The following PACS1 variants were observed in gnomAD, a reference collection of about 807,000 sequenced individuals.
The protein encoded by PACS1 is phosphofurin acidic cluster sorting protein 1, also known as PACS-1.
A neutral mutation model predicts 115.0 loss-of-function variants in PACS1; 24 were observed. The observed-to-expected ratio is 0.21, with a 90% CI of 0.15 to 0.29. The LOEUF (loss-of-function observed/expected upper bound fraction) is 0.29. PACS1 is among the 10% of genes least tolerant of loss of function. The pLI is 1.00. For synonymous variants in PACS1, 453 were observed against 504.5 expected (o/e 0.90, Z 1.37); for missense variants, 838 against 1,251.2 (o/e 0.67, Z 4.98).
At chr11:66,220,241 G>A (rs1192981418) in intron 8 of PACS1, 6 of 284,440 alleles carry the variant, frequency 2.1e-5, no homozygotes, top group African/African-American at 6.5e-5. Flanking sequence ...CCTGGGCTCC[G>A]GGAGGGGCCC....
At chr11:66,110,689 C>T (rs944803729) in intron 1 of PACS1, among the ~76,000 whole-genome samples, 1 of 152,180 alleles carries the variant, frequency 6.6e-6, no homozygotes, top group Non-Finnish European at 1.5e-5. Flanking sequence ...GATCCTCCCA[C>T]CTCCTGAGTA....
At chr11:66,085,322 G>A (rs1376179183) in intron 1 of PACS1, among the ~76,000 whole-genome samples, 1 of 152,136 alleles carries the variant, frequency 6.6e-6, no homozygotes, top group East Asian at 1.9e-4. Flanking sequence ...CTTGAAGGTG[G>A]AGCTATTTTT....
At chr11:66,107,898 T>C (rs1279775176) in intron 1 of PACS1, among the ~76,000 whole-genome samples, 4 of 152,160 alleles carry the variant, frequency 2.6e-5, no homozygotes, top group Admixed American at 6.5e-5. Context: ...GCAGGCCCCA[T>C]CCTAATCTAC....
intron 1 of PACS1, among the ~76,000 whole-genome samples, chr11:66,166,739 C>G (rs1244589645): frequency 6.7e-6 from 1 of 150,360 alleles, no homozygotes; most frequent in Non-Finnish European, 1.5e-5. Context: ...ACAGTGTACA[C>G]TTGGGTTCTG....
intron 10 of PACS1, chr11:66,221,461 C>T: frequency 1.8e-6 from 1 of 557,586 alleles, no homozygotes; most frequent in Non-Finnish European, 3.2e-6. Context: ...TTCTGGCCAA[C>T]ATGGTGACAC....
chr11:66,219,625 T>C (rs1855294788), intron 7 of PACS1, 121 bp from the exon 8 acceptor site: 2 of 802,740 alleles, frequency 2.5e-6, no homozygotes, highest in Admixed American at 3.6e-5. Flanking sequence ...AGAGACCAAG[T>C]CCTCCAGTCT....
intron 4 of PACS1, among the ~76,000 whole-genome samples, chr11:66,215,134 A>G (rs772954142): frequency 2.6e-5 from 4 of 151,390 alleles, no homozygotes; most frequent in African/African-American, 4.9e-5. Context: ...GGGTTTCACT[A>G]TGTTAGCCAG....
chr11:66,209,729 CCT>C (rs1855026681), intron 2 of PACS1, among the ~76,000 whole-genome samples: 1 of 151,968 alleles, frequency 6.6e-6, no homozygotes, highest in Admixed American at 6.6e-5. Context: ...ATGGTGAAAC[CCT>C]GTCTCTACTA....
intron 1 of PACS1, among the ~76,000 whole-genome samples, chr11:66,094,075 A>G (rs1857723617): frequency 1.3e-5 from 2 of 151,144 alleles, no homozygotes; most frequent in East Asian, 3.9e-4. Context: ...ATAGCACTAA[A>G]TGCCCACAAG....
chr11:66,125,316 A>G (rs1249306576), intron 1 of PACS1, among the ~76,000 whole-genome samples: 4 of 152,182 alleles, frequency 2.6e-5, no homozygotes, highest in Admixed American at 2.6e-4. Flanking sequence ...GTACCACATC[A>G]ATTAATGCGT....
chr11:66,204,653 A>G (rs1209634933), intron 2 of PACS1, among the ~76,000 whole-genome samples: 1 of 152,208 alleles, frequency 6.6e-6, no homozygotes, highest in Admixed American at 6.5e-5. Flanking sequence ...ATTTGCAATA[A>G]CATGGATGGA....
chr11:66,238,819 C>A lies in PACS1; in HGVS notation c.2266C>A (p.Leu756Met). The change falls in exon 20 of 24, where the codon CTG becomes ATG. Residue 756 changes from leucine (L) to methionine (M), a missense_variant. Physicochemically the swap from Leu to Met is conservative, Grantham distance 15. Coordinates refer to ENST00000320580, the MANE Select transcript of PACS1 (RefSeq NM_018026.4). The stretch of plus-strand genomic sequence containing the variant: ...CTCCTTGCAGGTGGTGAAGGTGGGT[C>A]TGGTTGAAGACTCTCCCTCCACAGC... ...IPFIGVVKVG[L>M]VEDSPSTAGD... is the part of the protein sequence containing the mutation. 6.3e-7 allele frequency: 1 copy of A among 1,588,248 alleles called. No individual in the cohort carries two copies. The highest frequency in any genetic ancestry group is 1.1e-5 in the South Asian group (1 of 87,276).
chr11:66,239,296 C>T lies in PACS1; in HGVS notation c.2429+19C>T, dbSNP rs770327141. On this transcript the variant is annotated intron_variant, in intron 21 of 23. Transcript: ENST00000320580. ...TCGTGGGGTAAGGCTCCTGCCCGTA[C>T]CTGTCCTGCCATGCCCTCCATCAGG... 6 of 1,601,952 alleles carry T rather than the reference C, an allele frequency of 3.7e-6. No homozygotes were observed. The highest frequency in any genetic ancestry group is 1.7e-5 in the Admixed American group (1 of 58,872).
chr11:66,204,705 A>C (rs924817216), intron 2 of PACS1, among the ~76,000 whole-genome samples: 2 of 152,190 alleles, frequency 1.3e-5, no homozygotes, highest in Non-Finnish European at 2.9e-5. Flanking sequence ...CAGGTACAGA[A>C]AGACATACTT....
intron 1 of PACS1, among the ~76,000 whole-genome samples, chr11:66,118,072 T>C (rs1403490933): frequency 6.6e-6 from 1 of 152,246 alleles, no homozygotes; most frequent in African/African-American, 2.4e-5. Flanking sequence ...TGGGGGTCAT[T>C]TTAAACGTAT....
chr11:66,097,193 G>A (rs1857805385), intron 1 of PACS1, among the ~76,000 whole-genome samples: 1 of 152,172 alleles, frequency 6.6e-6, no homozygotes, highest in Non-Finnish European at 1.5e-5. Flanking sequence ...TGGCCTAGTA[G>A]TCCTGTGCCC....
chr11:66,208,344 T>C (rs1004132133), intron 2 of PACS1, among the ~76,000 whole-genome samples: 51 of 151,764 alleles, frequency 3.4e-4, no homozygotes, highest in African/African-American at 1.2e-3. Flanking sequence ...CAGGGATGAG[T>C]GTGGGGCTCA....
chr11:66,195,556 T>C (rs896862253), intron 2 of PACS1, among the ~76,000 whole-genome samples: 3 of 152,238 alleles, frequency 2.0e-5, no homozygotes, highest in Admixed American at 2.0e-4. Context: ...TAAATGCTTT[T>C]GCCAAAGAAA....
intron 1 of PACS1, among the ~76,000 whole-genome samples, chr11:66,103,896 C>G (rs1259271349): frequency 2.0e-5 from 3 of 152,124 alleles, no homozygotes; most frequent in Non-Finnish European, 4.4e-5. Context: ...ATTATCAGCT[C>G]AGGGGCAGTG....
Sources: allele counts gnomAD v4.1 joint callset (sites outside exome capture counted in the v4.1 genomes callset), GRCh38; gene constraint gnomAD v4.1.1; transcripts MANE v1.5; gene names NCBI Gene and HGNC (gene_info 2026-07-23, HGNC 2026-07-21).